GAD1: variants seen among roughly 807,000 people sequenced by gnomAD.
GAD1 encodes the protein 67 kDa glutamic acid decarboxylase.
Under a neutral mutation model 75.2 loss-of-function variants are expected in GAD1, and 35 were observed. The observed-to-expected ratio is 0.47, with a 90% CI of 0.36 to 0.62. The LOEUF (loss-of-function observed/expected upper bound fraction) is 0.62. Ranked by LOEUF, GAD1 falls within the 20% of genes least tolerant of loss-of-function variation. The pLI is 0.00. For missense variants in GAD1, 490 were observed against 758.5 expected (o/e 0.65, Z 4.16); for synonymous variants, 257 against 271.9 (o/e 0.95, Z 0.54).
intron 2 of GAD1, among the ~76,000 whole-genome samples, chr2:170,819,460 GAA>G (rs954186940): frequency 3.9e-5 from 6 of 151,990 alleles, no homozygotes; most frequent in Non-Finnish European, 8.8e-5. Flanking sequence ...AAGAGAGAAA[GAA>G]AAGAGACACC....
chr2:170,824,075 C>T (rs1197930828), intron 3 of GAD1, among the ~76,000 whole-genome samples: 6 of 152,192 alleles, frequency 3.9e-5, no homozygotes, highest in African/African-American at 1.4e-4. Context: ...CTCCCCCTCC[C>T]CCACTGTCAG....
At chr2:170,828,822 G>A (rs558681487) in intron 3 of GAD1, 13 of 162,042 alleles carry the variant, frequency 8.0e-5, no homozygotes, top group Admixed American at 4.4e-4. Context: ...TCCCTCTGCC[G>A]TCCTCACCTC....
At chr2:170,858,398 A>G (rs571502391) in intron 15 of GAD1, among the ~76,000 whole-genome samples, 19 of 152,354 alleles carry the variant, frequency 1.2e-4, no homozygotes, top group African/African-American at 4.6e-4. Context: ...GTCATCAAGA[A>G]AAGATTCAAT....
chr2:170,823,615 A>C (rs1701949750), intron 3 of GAD1, among the ~76,000 whole-genome samples: 1 of 151,798 alleles, frequency 6.6e-6, no homozygotes, highest in Admixed American at 6.6e-5. Flanking sequence ...GCGGCCGCGG[A>C]TCTTTGTTCT....
intron 6 of GAD1, among the ~76,000 whole-genome samples, chr2:170,839,201 G>A (rs1326267200): frequency 6.6e-6 from 1 of 152,352 alleles, no homozygotes; most frequent in East Asian, 1.9e-4. Flanking sequence ...TACTCTCATT[G>A]AATTTAGGTG....
chr2:170,823,239 C>T (rs368902872), intron 3 of GAD1, among the ~76,000 whole-genome samples: 2 of 152,242 alleles, frequency 1.3e-5, no homozygotes, highest in Non-Finnish European at 2.9e-5. Flanking sequence ...ACACGCCCGC[C>T]CGCCCTAGCC....
Position 170,860,085 on chromosome 2 carries a change from G to T in GAD1, c.*203G>T. 1.7e-6 allele frequency: 1 copy of T among 601,682 alleles called. No individual in the cohort carries two copies. Among genetic ancestry groups the T allele is most frequent in the Admixed American group, 2.6e-5 (1 of 38,830 alleles). The allele number at this position is 601,682 out of a possible 1,614,324, so 37.3% of individuals were successfully genotyped here. A position where few individuals can be genotyped will look rare whatever the true frequency, so the allele number is the denominator to read the frequency against. On this transcript the variant is annotated 3_prime_UTR_variant, in exon 17 of 17. Transcript: ENST00000358196. ...TTCTTTTTAAAAAGTTGCACATTAG[G>T]AACAGAGTATATATGTACAGTTATA...
chr2:170,825,140 C>A (rs1204850892), intron 3 of GAD1, among the ~76,000 whole-genome samples: 1 of 152,132 alleles, frequency 6.6e-6, no homozygotes, highest in East Asian at 1.9e-4. Context: ...AATCCCAACA[C>A]TTTGGGAGGC....
intron 11 of GAD1, chr2:170,848,658 TC>T (rs1202062131): frequency 1.4e-4 from 70 of 503,364 alleles, no homozygotes; most frequent in Admixed American, 5.4e-4. Context: ...TTTTTTTTTT[TC>T]TTTCTCTCTG....
At chr2:170,820,484 C>T (rs1180934317) in intron 2 of GAD1, among the ~76,000 whole-genome samples, 1 of 152,266 alleles carries the variant, frequency 6.6e-6, no homozygotes, top group Non-Finnish European at 1.5e-5. Flanking sequence ...TATCCACTCT[C>T]ACCCTCCCTT....
At chr2:170,854,369 T>C (rs1318495234) in intron 14 of GAD1, among the ~76,000 whole-genome samples, 1 of 151,258 alleles carries the variant, frequency 6.6e-6, no homozygotes, top group African/African-American at 2.4e-5. Context: ...ATAAAATTAC[T>C]GCATTATTCT....
upstream of GAD1, among the ~76,000 whole-genome samples, chr2:170,814,200 G>C (rs1374616634): frequency 6.6e-6 from 1 of 152,192 alleles, no homozygotes; most frequent in East Asian, 1.9e-4. Context: ...ATTCCTACCG[G>C]AGAGAAGAGC....
intron 11 of GAD1, among the ~76,000 whole-genome samples, chr2:170,848,239 T>C (rs891180278): frequency 2.0e-5 from 3 of 152,176 alleles, no homozygotes; most frequent in Admixed American, 6.5e-5. Flanking sequence ...GGCTCACGCT[T>C]GTAATGCCAG....
At chr2:170,833,323 G>C (rs1322997035) in intron 5 of GAD1, among the ~76,000 whole-genome samples, 1 of 152,228 alleles carries the variant, frequency 6.6e-6, no homozygotes, top group Non-Finnish European at 1.5e-5. Flanking sequence ...AATAAGTGCA[G>C]CTTCATTAAA....
At position 170,853,788 on chromosome 2, in the gene GAD1, C is replaced by A; in HGVS notation, c.1264-85C>A. ...AGAAAGATTGCATATGACCCCAAGC[C>A]CCTCCTTCCAAGCAGCCTAGTTTTA... On this transcript the variant is annotated intron_variant, in intron 13 of 16. Transcript: ENST00000358196. This position sits in a 1 kb window ranked among gnomAD's most constrained non-coding sequence, Gnocchi z 4.1. 1 of 1,354,916 alleles carries A rather than the reference C, an allele frequency of 7.4e-7. No homozygotes were observed. 83.9% of individuals were successfully genotyped at this position (1,354,916 alleles called of 1,614,324 possible).
intron 12 of GAD1, among the ~76,000 whole-genome samples, chr2:170,851,282 A>C (rs748147242): frequency 6.6e-6 from 1 of 152,214 alleles, no homozygotes; most frequent in African/African-American, 2.4e-5. Flanking sequence ...ACATTTTATG[A>C]GACCTAAATA....
At chr2:170,822,944 T>C (rs1701929391) in intron 3 of GAD1, among the ~76,000 whole-genome samples, 2 of 152,212 alleles carry the variant, frequency 1.3e-5, no homozygotes. Flanking sequence ...AACTGCTCTC[T>C]GGAGACAGGA....
intron 11 of GAD1, 80 bp downstream of exon 11, chr2:170,847,872 C>G: frequency 1.1e-6 from 1 of 908,762 alleles, no homozygotes; most frequent in Non-Finnish European, 1.9e-6. Context: ...AGCTTCTCCC[C>G]ACGCCCCAGC....
At chr2:170,828,059 CTT>C (rs1702066837) in intron 3 of GAD1, among the ~76,000 whole-genome samples, 1 of 29,632 alleles carries the variant, frequency 3.4e-5, no homozygotes, top group Non-Finnish European at 6.3e-5. Flanking sequence ...ACCCCTCCTC[CTT>C]CTGCTGTCCT....
Sources: gnomAD v4.1 joint callset for allele counts (sites outside exome capture counted in the v4.1 genomes callset) on GRCh38, gnomAD v4.1.1 for gene constraint, Gnocchi (gnomAD v3.1) non-coding constraint, MANE v1.5 for transcripts, NCBI Gene and HGNC (gene_info 2026-07-23, HGNC 2026-07-21) for gene names.